Variants in DPF1 observed in about 807,000 individuals in gnomAD.
The protein encoded by DPF1 is double PHD fingers 1, also known as zinc finger protein neuro-d4.
A neutral mutation model predicts 58.7 loss-of-function variants in DPF1; 14 were observed. That is an observed-to-expected ratio of 0.24 (90% CI 0.16 to 0.37). The LOEUF is 0.37. DPF1 is among the 10% of genes least tolerant of loss of function. DPF1 has a pLI of 1.00. For missense variants in DPF1, 345 were observed against 529.9 expected (o/e 0.65, Z 3.43); for synonymous variants, 216 against 216.0 (o/e 1.00, Z 0.00).
upstream of DPF1, among the ~76,000 whole-genome samples, chr19:38,226,542 C>CACACACCCT (rs1967833523): frequency 5.3e-5 from 4 of 75,262 alleles, no homozygotes; most frequent in Non-Finnish European, 1.1e-4. Context: ...ACACACACTC[C>CACACACCCT]TCTAGTCTTA....
chr19:38,217,264 G>T, intron 7 of DPF1, 196 bp downstream of exon 7: 1 of 679,292 alleles, frequency 1.5e-6, no homozygotes, highest in East Asian at 2.9e-5. Context: ...TATTACGCCC[G>T]GCCAGGAGCG....
chr19:38,221,540 A>G (rs945585215), intron 3 of DPF1, among the ~76,000 whole-genome samples: 2 of 44,428 alleles, frequency 4.5e-5, no homozygotes, highest in Non-Finnish European at 7.4e-5. Flanking sequence ...ACTCCATCTC[A>G]AAAAAAAAAA....
At chr19:38,213,780 C>T in intron 9 of DPF1, 24 bp from the exon 10 acceptor site, 1 of 1,600,238 alleles carries the variant, frequency 6.2e-7, no homozygotes, top group African/African-American at 1.3e-5. Context: ...GGCAGGGGTG[C>T]AGTTAGGAGG....
chr19:38,216,044 C>T, intron 9 of DPF1, 96 bp downstream of exon 9: 1 of 1,510,248 alleles, frequency 6.6e-7, no homozygotes, highest in South Asian at 1.3e-5. Flanking sequence ...CTCCGGGTCC[C>T]CTCGGTCCTC....
chr19:38,222,435 G>T lies in DPF1; in HGVS notation c.220C>A (p.Pro74Thr). 6.3e-7 allele frequency: 1 copy of T among 1,586,914 alleles called. No individual in the cohort carries two copies. The highest frequency in any genetic ancestry group is 8.5e-7 in the Non-Finnish European group (1 of 1,172,574). ...CGTTTCTTCCTCCAACAGCGGGCGG[G>T]GTACGTGTAAATCTGTCCCGGGGCC... Reference protein sequence around the residue: ...GLAPGQIYTYPARCWRKKRRL... With the variant: ...GLAPGQIYTYTARCWRKKRRL... The change falls in exon 3 of 12, where the codon CCC (proline) becomes ACC (threonine). Residue 74 changes from proline to threonine, a missense_variant. By Grantham distance (38) the Pro-to-Thr change is conservative (BLOSUM62 -1). Coordinates refer to ENST00000355526, the MANE Select transcript of DPF1 (RefSeq NM_001135155.3). The surrounding 1 kb of genome is among the most constrained non-coding windows in gnomAD (Gnocchi z 4.9).
rs753364216 is a variant in DPF1 at position 38,217,879 on chromosome 19, G to A, written c.517-3C>T. The A allele has an allele frequency of 1.2e-6, 2 of 1,614,072 alleles. No individual in the cohort carries two copies. Among genetic ancestry groups the A allele is most frequent in the Admixed American group, 3.3e-5 (2 of 60,018 alleles). On this transcript the variant is annotated splice_region_variant and splice_polypyrimidine_tract_variant and intron_variant, in intron 5 of 11. Transcript: ENST00000355526. ...CGGAGACCCCCGATGCCATATGCCTGTGGGGAGAGTCAGGAGTGAGGGGCC... is the reference window on the plus strand; with the variant it reads ...CGGAGACCCCCGATGCCATATGCCTATGGGGAGAGTCAGGAGTGAGGGGCC...
chr19:38,212,726 G>A (rs547435089), intron 10 of DPF1, among the ~76,000 whole-genome samples: 1 of 150,194 alleles, frequency 6.7e-6, no homozygotes, highest in African/African-American at 2.5e-5. Context: ...TGATTCTCCT[G>A]CCTCAGTCTC....
In DPF1 at chr19:38,217,604, C is replaced by CG; in HGVS notation, c.596-14dup. 6.5e-7 allele frequency: 1 copy of CG among 1,542,440 alleles called. No individual in the cohort carries two copies. Among genetic ancestry groups the CG allele is most frequent in the Middle Eastern group, 1.7e-4 (1 of 5,754 alleles). ...CGTTTCCCACAGACTGGGGAGCGAG[C>CG]GAGCCAGGAGGGCCTGTCAGCCCCT... On this transcript the variant is annotated splice_polypyrimidine_tract_variant and intron_variant, in intron 6 of 11. Transcript: ENST00000355526.
At chr19:38,228,719 G>C (rs1212515232), upstream of DPF1, 1 of 152,812 alleles carries the variant, frequency 6.5e-6, no homozygotes. Context: ...GGAAGGGGAG[G>C]TGTGGAGAGC....
In DPF1 at chr19:38,229,642, C is replaced by T. The variant is rs1271099130; in HGVS notation, c.-215G>A. On this transcript the variant is annotated 5_prime_UTR_variant, in exon 1 of 12. Coordinates refer to the DPF1 transcript ENST00000412732. This position sits in a 1 kb window ranked among gnomAD's most constrained non-coding sequence, Gnocchi z 5.3. Reference sequence around the variant, plus strand: ...CCCGGGGCGCCGCTGCCGCCGCGCGCGGGCCCAGCCCGGCCTGCGCCGCCC... The same window carrying T: ...CCCGGGGCGCCGCTGCCGCCGCGCGTGGGCCCAGCCCGGCCTGCGCCGCCC... 31 of 949,744 alleles carry T rather than the reference C, an allele frequency of 3.3e-5. No homozygotes were observed. The highest frequency in any genetic ancestry group is 6.1e-5 in the Admixed American group (1 of 16,370). 58.8% of individuals were successfully genotyped at this position (949,744 alleles called of 1,614,324 possible). A position where few individuals can be genotyped will look rare whatever the true frequency, so the allele number is the denominator to read the frequency against.
At chr19:38,215,272 C>T (rs146536834) in intron 9 of DPF1, among the ~76,000 whole-genome samples, 32,066 of 151,358 alleles carry the variant, frequency 0.21, 3,907 homozygotes, top group East Asian at 0.34. Context: ...AGGCAGATCA[C>T]CTGAGGTCAG....
In DPF1 at chr19:38,211,686, CTTCTT is replaced by C. The variant is rs1409725870; in HGVS notation, c.*372_*376del. ...TTGGAGGACTCTTTGTATATATTAA[CTTCTT>C]TTCTTTTCTTCTTTTTTTTTTTTTT... On this transcript the variant is annotated 3_prime_UTR_variant, in exon 12 of 12. Transcript: ENST00000355526. This position sits in a 1 kb window ranked among gnomAD's most constrained non-coding sequence, Gnocchi z 4.0. 2.1e-5 allele frequency: 4 copies of C among 187,752 alleles called. No individual in the cohort carries two copies. Among genetic ancestry groups the C allele is most frequent in the Non-Finnish European group, 3.3e-5 (3 of 91,494 alleles). The allele number at this position is 187,752 out of a possible 1,614,324, so 11.6% of individuals were successfully genotyped here.
intron 4 of DPF1, 36 bp from the exon 5 acceptor site, chr19:38,218,698 G>C (rs778823204): frequency 6.2e-7 from 1 of 1,609,726 alleles, no homozygotes; most frequent in South Asian, 1.1e-5. Context: ...TCAAGAAAGT[G>C]GGGGCCACTG....
intron 7 of DPF1, 126 bp from the exon 8 acceptor site, chr19:38,216,529 C>T: frequency 8.6e-7 from 1 of 1,165,916 alleles, no homozygotes; most frequent in Non-Finnish European, 1.2e-6. Context: ...GAGTAGCTAC[C>T]CCAAGCTGTG....
At chr19:38,218,117 G>A (rs1281110984) in intron 5 of DPF1, among the ~76,000 whole-genome samples, 1 of 152,170 alleles carries the variant, frequency 6.6e-6, no homozygotes, top group East Asian at 1.9e-4. Flanking sequence ...CAGGAGAATC[G>A]CTTGAACCCG....
intron 5 of DPF1, among the ~76,000 whole-genome samples, chr19:38,218,199 C>CA (rs1293951084): frequency 4.0e-5 from 6 of 150,518 alleles, no homozygotes; most frequent in African/African-American, 9.8e-5. Context: ...GACTCCGTCT[C>CA]AAAAAAAAGA....
At chr19:38,215,492 C>CA (rs751066231) in intron 9 of DPF1, among the ~76,000 whole-genome samples, 76 of 110,042 alleles carry the variant, frequency 6.9e-4, no homozygotes, top group Non-Finnish European at 1.1e-3. Flanking sequence ...GACTCTGTCT[C>CA]AAAAAACAAA....
chr19:38,212,102 G>C lies in DPF1; in HGVS notation c.1125C>G (p.His375Gln), dbSNP rs751582099. The C allele has an allele frequency of 6.2e-7, 1 of 1,612,334 alleles. No homozygotes were observed. The highest frequency in any genetic ancestry group is 1.1e-5 in the South Asian group (1 of 90,650). ...TGTAAGCAGAAGCCTTTTCCTTCAG[G>C]TGCCGGAGACAGAGGTGACAGCTCC... Reference protein sequence around the residue: ...GSWSCHLCLRHLKEKASAYIT... With the variant: ...GSWSCHLCLRQLKEKASAYIT... Residue 375 changes from histidine (H) to glutamine (Q), a missense_variant, in exon 12 of 12, where the codon CAC becomes CAG. Coordinates refer to ENST00000355526, the MANE Select transcript of DPF1 (RefSeq NM_001135155.3).
chr19:38,226,373 A>G (rs1248235116), upstream of DPF1, among the ~76,000 whole-genome samples: 1 of 146,306 alleles, frequency 6.8e-6, no homozygotes, highest in Non-Finnish European at 1.5e-5. Flanking sequence ...TAACACGCCC[A>G]CAAACGCCCT....
Sources: gnomAD v4.1 joint callset for allele counts (sites outside exome capture counted in the v4.1 genomes callset) on GRCh38, gnomAD v4.1.1 for gene constraint, Gnocchi (gnomAD v3.1) non-coding constraint, MANE v1.5 for transcripts, NCBI Gene and HGNC (gene_info 2026-07-23, HGNC 2026-07-21) for gene names.